The following C4orf50 variants were observed in gnomAD, a reference collection of about 807,000 sequenced individuals.
The protein encoded by C4orf50 is uncharacterized protein C4orf50.
Under a neutral mutation model 77.2 loss-of-function variants are expected in C4orf50, and 80 were observed. The ratio of observed to expected loss-of-function variants is 1.04; its 90% confidence interval spans 0.87 to 1.25. The LOEUF (loss-of-function observed/expected upper bound fraction) is 1.25. C4orf50 is among the 50% of genes most tolerant of loss of function. The pLI is 0.00. For synonymous variants in C4orf50, 532 were observed against 465.3 expected (o/e 1.14, Z -1.84); for missense variants, 1,257 against 1,152.9 (o/e 1.09, Z -1.31).
At chr4:5,980,866 T>G (rs528953106) in intron 28 of C4orf50, among the ~76,000 whole-genome samples, 2 of 152,348 alleles carry the variant, frequency 1.3e-5, no homozygotes, top group South Asian at 4.1e-4. Flanking sequence ...GGCACTTTTC[T>G]TAAATGAATA....
chr4:5,978,049 A>G (rs1720382761), intron 29 of C4orf50, among the ~76,000 whole-genome samples: 1 of 152,236 alleles, frequency 6.6e-6, no homozygotes, highest in African/African-American at 2.4e-5. Context: ...CATACAAATG[A>G]CCCACAAGCA....
Position 5,919,746 on chromosome 4 carries a change from G to A in C4orf50, c.*2475-21558C>T, listed in dbSNP as rs538684063. Among the ~76,000 whole-genome samples, 20 of 152,228 alleles carry A rather than the reference G, an allele frequency of 1.3e-4. No homozygotes were observed. Among genetic ancestry groups the A allele is most frequent in the African/African-American group, 4.1e-4 (17 of 41,536 alleles). Reference sequence around the variant, plus strand: ...TGGAGGGACCACACCAGCTGAAACCGCTGCCATGGCAGACAAGAAAATGCT... The same window carrying A: ...TGGAGGGACCACACCAGCTGAAACCACTGCCATGGCAGACAAGAAAATGCT... On this transcript the variant is annotated intron_variant, in intron 7 of 7. Coordinates refer to the C4orf50 transcript ENST00000324058. The surrounding 1 kb of genome is among the most constrained non-coding windows in gnomAD (Gnocchi z 6.5).
intron 7 of C4orf50, among the ~76,000 whole-genome samples, chr4:5,945,156 C>A (rs751516803): frequency 3.9e-5 from 6 of 152,184 alleles, no homozygotes; most frequent in Non-Finnish European, 7.3e-5. Context: ...GGAGGAAGCT[C>A]CAGGTCCTCC....
intron 28 of C4orf50, among the ~76,000 whole-genome samples, chr4:5,984,615 A>G (rs1309005588): frequency 1.3e-5 from 2 of 152,234 alleles, no homozygotes; most frequent in Non-Finnish European, 2.9e-5. Flanking sequence ...AAGGTGGGAC[A>G]TGGTAGAATA....
chr4:6,007,493 A>G lies in C4orf50; in HGVS notation c.963+503T>C, dbSNP rs1722292905. Reference sequence around the variant, plus strand: ...CAACACCAAATCTGCTGGTGCCTTGATCTTGGACCTCCAGCCTCCAAAAGT... The same window carrying G: ...CAACACCAAATCTGCTGGTGCCTTGGTCTTGGACCTCCAGCCTCCAAAAGT... On this transcript the variant is annotated intron_variant, in intron 25 of 33. Transcript: ENST00000531445. The surrounding 1 kb of genome is among the most constrained non-coding windows in gnomAD (Gnocchi z 4.1). Among the ~76,000 whole-genome samples the G allele has an allele frequency of 6.6e-6, 1 of 152,160 alleles. No homozygotes were observed. The highest frequency in any genetic ancestry group is 1.9e-4 in the East Asian group (1 of 5,194).
intron 30 of C4orf50, 110 bp downstream of exon 8, chr4:5,975,789 C>A: frequency 1.1e-6 from 1 of 872,474 alleles, no homozygotes; most frequent in Non-Finnish European, 1.9e-6. Flanking sequence ...GTGCCTGGCC[C>A]TACCCAGACT....
chr4:5,934,001 G>C (rs1717887588), intron 7 of C4orf50, among the ~76,000 whole-genome samples: 1 of 152,102 alleles, frequency 6.6e-6, no homozygotes, highest in African/African-American at 2.4e-5. Context: ...GTGTCTGTGA[G>C]CGAGAATCAC....
At chr4:5,926,346 G>A (rs189298545) in intron 7 of C4orf50, among the ~76,000 whole-genome samples, 2 of 152,302 alleles carry the variant, frequency 1.3e-5, no homozygotes, top group Non-Finnish European at 2.9e-5. Context: ...CGAAGGCCAC[G>A]TGGTGCATGA....
At chr4:5,929,242 C>T (rs74937119) in intron 7 of C4orf50, among the ~76,000 whole-genome samples, 10,424 of 152,234 alleles carry the variant, frequency 0.068, 692 homozygotes, top group African/African-American at 0.18. Context: ...ACCCCCAGAG[C>T]GGCTAGTACC....
intron 25 of C4orf50, among the ~76,000 whole-genome samples, chr4:5,999,052 G>A (rs1369282212): frequency 2.6e-5 from 4 of 152,216 alleles, no homozygotes; most frequent in Non-Finnish European, 5.9e-5. Context: ...CAAGTTACGG[G>A]AATCCTCCAG....
chr4:5,913,058 C>T (rs755351095), intron 7 of C4orf50, among the ~76,000 whole-genome samples: 4 of 152,134 alleles, frequency 2.6e-5, no homozygotes, highest in Non-Finnish European at 4.4e-5. Flanking sequence ...CAACAAGGCC[C>T]CAAGATGGCA....
downstream of C4orf50, among the ~76,000 whole-genome samples, chr4:5,952,818 G>A (rs1048611984): frequency 1.3e-5 from 2 of 152,122 alleles, no homozygotes; most frequent in Non-Finnish European, 2.9e-5. The surrounding 1 kb of genome is among the most constrained non-coding windows in gnomAD (Gnocchi z 4.4). Flanking sequence ...CACAGTTCCC[G>A]ACACCGACAC....
intron 28 of C4orf50, among the ~76,000 whole-genome samples, chr4:5,981,640 G>A (rs1217812451): frequency 6.6e-6 from 1 of 152,028 alleles, no homozygotes; most frequent in Non-Finnish European, 1.5e-5. Context: ...CAGACCTCAG[G>A]TGATCCACCC....
chr4:5,930,433 C>T (rs79872041), intron 7 of C4orf50, among the ~76,000 whole-genome samples: 1,996 of 152,308 alleles, frequency 0.013, 46 homozygotes, highest in African/African-American at 0.045. Flanking sequence ...TTGCTCAATC[C>T]ACCACCAGAC....
At chr4:5,967,359 C>T (rs1233344485) in intron 32 of C4orf50, 55 bp downstream of exon 10, 22 of 1,435,184 alleles carry the variant, frequency 1.5e-5, no homozygotes, top group East Asian at 2.3e-5. Flanking sequence ...AGCGTCCTGC[C>T]GGCCTGGACT....
intron 7 of C4orf50, among the ~76,000 whole-genome samples, chr4:5,945,770 G>A (rs1330276071): frequency 6.6e-6 from 1 of 152,218 alleles, no homozygotes; most frequent in Non-Finnish European, 1.5e-5. Flanking sequence ...GGCAGGCTGG[G>A]CCCTGGGCTG....
chr4:5,897,774 C>T (rs910072614), exon 8 of C4orf50: 1 of 152,202 alleles, frequency 6.6e-6, no homozygotes, highest in African/African-American at 2.4e-5. Flanking sequence ...TGAGCCCGAC[C>T]CACAACTGGT....
chr4:5,953,017 G>A (rs1279933020), downstream of C4orf50, among the ~76,000 whole-genome samples: 1 of 152,294 alleles, frequency 6.6e-6, no homozygotes, highest in East Asian at 1.9e-4. Flanking sequence ...CTATTTTCGG[G>A]TGGCTGCTTC....
chr4:5,946,433 CGT>C (rs1560556553), intron 7 of C4orf50, among the ~76,000 whole-genome samples: 124 of 152,142 alleles, frequency 8.2e-4, no homozygotes, highest in African/African-American at 2.8e-3. Context: ...AAGAATAAAT[CGT>C]AAGTGTTAGA....
Sources: gnomAD v4.1 joint callset for allele counts (sites outside exome capture counted in the v4.1 genomes callset) on GRCh38, gnomAD v4.1.1 for gene constraint, Gnocchi (gnomAD v3.1) non-coding constraint, MANE v1.5 for transcripts, NCBI Gene and HGNC (gene_info 2026-07-23, HGNC 2026-07-21) for gene names.